The following PEAR1 variants were observed in gnomAD, a reference collection of about 807,000 sequenced individuals.
PEAR1 encodes multiple EGF-like domains protein 12.
In PEAR1, 113 loss-of-function variants were observed where a neutral mutation model predicts 131.2. The observed-to-expected ratio is 0.86, with a 90% confidence interval of 0.74 to 1.01. PEAR1 has a LOEUF of 1.01. PEAR1 is among the 50% of genes least tolerant of loss of function. PEAR1 has a pLI of 0.00. For synonymous variants in PEAR1, 565 were observed against 523.3 expected, an observed-to-expected ratio of 1.08 and a Z score of -1.09; for missense variants, 1,408 against 1,391.1, an observed-to-expected ratio of 1.01 and a Z score of -0.19.
At position 156,908,161 on chromosome 1, in the gene PEAR1, G is replaced by T; in HGVS notation, c.936G>T (p.Gly312=). Reference sequence around the variant, plus strand: ...AGGAGTGCCCGGTGGGCCGCTTTGGGCAGGACTGTGCTGAGACGTGCGACT... The same window carrying T: ...AGGAGTGCCCGGTGGGCCGCTTTGGTCAGGACTGTGCTGAGACGTGCGACT... ...CREECPVGRF[G]QDCAETCDCA... Residue 312 remains glycine (G), a synonymous_variant, in exon 9 of 23, where the codon GGG becomes GGT. Coordinates refer to ENST00000292357, the MANE Select transcript of PEAR1 (RefSeq NM_001080471.3). This position sits in a 1 kb window ranked among gnomAD's most constrained non-coding sequence, Gnocchi z 4.2. 4 of 1,602,612 alleles carry T rather than the reference G, an allele frequency of 2.5e-6. No homozygotes were observed. The highest frequency in any genetic ancestry group is 3.4e-6 in the Non-Finnish European group (4 of 1,177,712).
At position 156,908,325 on chromosome 1, in the gene PEAR1, G is replaced by T. The variant is rs756704651; in HGVS notation, c.1100G>T (p.Arg367Leu). Residue 367 changes from arginine to leucine, a missense_variant, in exon 9 of 23, where the codon CGG (arginine) becomes CTG (leucine). Arg to Leu is a moderately radical substitution (Grantham distance 102). Transcript: ENST00000292357. The surrounding 1 kb of genome is among the most constrained non-coding windows in gnomAD (Gnocchi z 4.2). ...LSCQAPCTCD[R>L]EHSLSCHPMN... The stretch of plus-strand genomic sequence containing the variant: ...TGCCAGGCCCCCTGCACCTGCGACC[G>T]GGAGCACAGCCTCAGGTGGGCCGCG... 6.5e-7 allele frequency: 1 copy of T among 1,543,166 alleles called. No individual in the cohort carries two copies. Among genetic ancestry groups the T allele is most frequent in the African/African-American group, 1.4e-5 (1 of 73,874 alleles).
At chr1:156,903,268 A>G (rs1321993652) in intron 1 of PEAR1, among the ~76,000 whole-genome samples, 2 of 152,166 alleles carry the variant, frequency 1.3e-5, no homozygotes, top group African/African-American at 4.8e-5. Flanking sequence ...ACAGCGTTTC[A>G]TCAGGCTGGT....
chr1:156,906,164 T>C, intron 4 of PEAR1, 112 bp from the exon 5 acceptor site: 2 of 910,402 alleles, frequency 2.2e-6, no homozygotes, highest in Non-Finnish European at 3.4e-6. Flanking sequence ...GAATTGGGGC[T>C]TGGAGAACTT....
Position 156,914,068 on chromosome 1 carries a change from G to T in PEAR1, c.2930G>T (p.Gly977Val), listed in dbSNP as rs1325784425. The T allele has an allele frequency of 4.4e-6, 7 of 1,604,838 alleles. No individual in the cohort carries two copies. Among genetic ancestry groups the T allele is most frequent in the Non-Finnish European group, 6.0e-6 (7 of 1,175,774 alleles). Residue 977 changes from glycine (G) to valine (V), a missense_variant, in exon 22 of 23, where the codon GGC (glycine) becomes GTC (valine). Physicochemically the swap from Gly to Val is moderately radical, Grantham distance 109. Coordinates refer to ENST00000292357, the MANE Select transcript of PEAR1 (RefSeq NM_001080471.3). ...CAACCCCAGCCACAGAGAGACAGTG[G>T]CACCTACGAGCAGCCCAGCCCCCTG... is the stretch of plus-strand genomic sequence containing the variant. ...RRQPQPQRDS[G>V]TYEQPSPLIH...
chr1:156,910,670 CCA>C lies in PEAR1; in HGVS notation c.1880_1881del (p.His627LeufsTer76). The C allele has an allele frequency of 1.2e-6, 2 of 1,614,184 alleles. No individual in the cohort carries two copies. The highest frequency in any genetic ancestry group is 1.7e-6 in the Non-Finnish European group (2 of 1,180,046). On this transcript the variant is annotated frameshift_variant, in exon 15 of 23. Coordinates refer to ENST00000292357, the MANE Select transcript of PEAR1 (RefSeq NM_001080471.3). LOFTEE classifies it high-confidence loss of function. ...KRCVPCKCAN[H>X]SFCHPSNGTC... is the part of the protein sequence containing the mutation. ...GCTGTGTGCCCTGCAAGTGCGCTAA[CCA>C]CTCCTTCTGCCACCCCTCGAACGGG... is the stretch of plus-strand genomic sequence containing the variant.
intron 1 of PEAR1, among the ~76,000 whole-genome samples, chr1:156,899,440 G>T (rs142243219): frequency 1.3e-5 from 2 of 152,158 alleles, no homozygotes; most frequent in Admixed American, 6.5e-5. Flanking sequence ...GGGGGATCAG[G>T]TTCTCGGGGG....
intron 15 of PEAR1, among the ~76,000 whole-genome samples, chr1:156,911,037 TTTTCTTTC>T (rs71681254): frequency 0.038 from 4,346 of 113,284 alleles, 125 homozygotes; most frequent in Middle Eastern, 0.055. Context: ...CTTGATTTCT[TTTTCTTTC>T]TTTCTTTCTT....
In PEAR1 at chr1:156,913,912, A is replaced by G. The variant is rs762986866; in HGVS notation, c.2774A>G (p.Tyr925Cys). The G allele has an allele frequency of 9.3e-6, 15 of 1,613,908 alleles. No individual in the cohort carries two copies. In the Admixed American group the frequency reaches 2.5e-4, roughly 27 times the overall value. Residue 925 changes from tyrosine to cysteine, a missense_variant, in exon 22 of 23, where the codon TAT (tyrosine) becomes TGT (cysteine). By Grantham distance (194) the Tyr-to-Cys change is radical. Transcript: ENST00000292357. ...SVASLSSENPYATIRDLPSLP... is the reference protein window; with the variant it reads ...SVASLSSENPCATIRDLPSLP... ...GCTTCCCTGAGCAGTGAGAACCCATATGCCACCATCCGGGACCTGCCCAGC... is the reference window on the plus strand; with the variant it reads ...GCTTCCCTGAGCAGTGAGAACCCATGTGCCACCATCCGGGACCTGCCCAGC...
intron 4 of PEAR1, among the ~76,000 whole-genome samples, chr1:156,906,010 C>T: frequency 6.6e-6 from 1 of 152,184 alleles, no homozygotes; most frequent in Non-Finnish European, 1.5e-5. Context: ...CATGTTCAGT[C>T]CCCTTTTGAG....
At position 156,902,448 on chromosome 1, in the gene PEAR1, A is replaced by G. The variant is rs1328878761; in HGVS notation, c.-9-1470A>G. 6.6e-6 allele frequency among the ~76,000 whole-genome samples: 1 copy of G among 152,044 alleles called. No individual in the cohort carries two copies. Among genetic ancestry groups the G allele is most frequent in the African/African-American group, 2.4e-5 (1 of 41,388 alleles). ...ATAGGTGGGCCAGCATCCTGGATGA[A>G]AGGCTGGAGATTTGGCTGCTGGAGG... On this transcript the variant is annotated intron_variant, in intron 1 of 22. Coordinates refer to ENST00000292357, the MANE Select transcript of PEAR1 (RefSeq NM_001080471.3). The surrounding 1 kb of genome is among the most constrained non-coding windows in gnomAD (Gnocchi z 4.3).
At position 156,908,478 on chromosome 1, in the gene PEAR1, G is replaced by C; in HGVS notation, c.1115+138G>C. On this transcript the variant is annotated intron_variant, in intron 9 of 22. Transcript: ENST00000292357. This position sits in a 1 kb window ranked among gnomAD's most constrained non-coding sequence, Gnocchi z 4.2. Reference sequence around the variant, plus strand: ...GGAAAGGGAGGGACCTCAGGGGCCGGGAGGGGCCTGGGGTACCGCTACTTG... The same window carrying C: ...GGAAAGGGAGGGACCTCAGGGGCCGCGAGGGGCCTGGGGTACCGCTACTTG... 1 of 1,240,746 alleles carries C rather than the reference G, an allele frequency of 8.1e-7. No individual in the cohort carries two copies. Among genetic ancestry groups the C allele is most frequent in the Non-Finnish European group, 1.1e-6 (1 of 922,176 alleles). 76.9% of individuals were successfully genotyped at this position (1,240,746 alleles called of 1,614,324 possible).
intron 1 of PEAR1, among the ~76,000 whole-genome samples, chr1:156,895,411 C>A (rs1204252290): frequency 6.6e-6 from 1 of 152,192 alleles, no homozygotes; most frequent in Admixed American, 6.5e-5. Context: ...CTCTGAGGAG[C>A]CTTGGGAGCC....
Position 156,905,345 on chromosome 1 carries a change from C to A in PEAR1, c.228C>A (p.Tyr76Ter), listed in dbSNP as rs778975262. 4 of 1,612,226 alleles carry A rather than the reference C, an allele frequency of 2.5e-6. No individual in the cohort carries two copies. The highest frequency in any genetic ancestry group is 8.5e-7 in the Non-Finnish European group (1 of 1,179,570). The stretch of plus-strand genomic sequence containing the variant: ...GCAGGGTTGTATACCGGACCGTGTA[C>A]CGTCAGGTGGTGAAGACGGACCACC... ...PQPTVVYRTVYRQVVKTDHRQ... is the reference protein window; with the variant it reads ...PQPTVVYRTV The change falls in exon 4 of 23, where the codon TAC becomes TAA. Residue 76 changes from tyrosine (Y) to a stop codon, truncating the protein, a stop_gained. Transcript: ENST00000292357. LOFTEE classifies it high-confidence loss of function.
rs777107997 is a variant in PEAR1 at position 156,914,757 on chromosome 1, C to A, written c.3073C>A (p.Arg1025=). The A allele has an allele frequency of 6.2e-7, 1 of 1,613,916 alleles. No homozygotes were observed. Among genetic ancestry groups the A allele is most frequent in the Non-Finnish European group, 8.5e-7 (1 of 1,179,922 alleles). The change falls in exon 23 of 23, where the codon CGG becomes AGG. Residue 1025 remains arginine (R), a synonymous_variant. Coordinates refer to ENST00000292357, the MANE Select transcript of PEAR1 (RefSeq NM_001080471.3). ...TGGACATTATGACTTGCCTCCAGTA[C>A]GGCATCCCCCATCACCTCCACTTCG... The part of the protein sequence containing the change: ...IPGHYDLPPV[R]HPPSPPLRRQ...
chr1:156,894,951 T>G (rs1570928163), intron 1 of PEAR1, among the ~76,000 whole-genome samples: 2 of 152,338 alleles, frequency 1.3e-5, no homozygotes, highest in Middle Eastern at 3.4e-3. Context: ...GCTCATGGTA[T>G]AGGGCCTGTT....
chr1:156,911,594 C>CT (rs201928104), intron 15 of PEAR1, among the ~76,000 whole-genome samples: 74 of 148,490 alleles, frequency 5.0e-4, no homozygotes, highest in African/African-American at 1.5e-3. Flanking sequence ...GCGCCCAGCC[C>CT]TTTTTTTCTT....
intron 22 of PEAR1, 142 bp downstream of exon 22, chr1:156,914,242 G>C: frequency 7.5e-7 from 1 of 1,338,520 alleles, no homozygotes; most frequent in Non-Finnish European, 1.0e-6. Context: ...GCTCAAATCA[G>C]GCATGACGGG....
intron 14 of PEAR1, 78 bp downstream of exon 14, chr1:156,910,458 C>G (rs909292403): frequency 3.0e-5 from 46 of 1,542,596 alleles, no homozygotes; most frequent in South Asian, 2.5e-4. Flanking sequence ...ACCCCTCCCC[C>G]CGCGCCCGCC....
At chr1:156,905,471 G>A (rs768945699) in intron 4 of PEAR1, 47 bp downstream of exon 4, 79 of 1,508,232 alleles carry the variant, frequency 5.2e-5, no homozygotes, top group Non-Finnish European at 6.4e-5. Flanking sequence ...AATGGAATGC[G>A]GGGAGCTTAG....
Sources: allele counts gnomAD v4.1 joint callset (sites outside exome capture counted in the v4.1 genomes callset), GRCh38; gene constraint gnomAD v4.1.1; non-coding constraint Gnocchi (gnomAD v3.1); transcripts MANE v1.5; gene names NCBI Gene and HGNC (gene_info 2026-07-23, HGNC 2026-07-21).